TMEM221: variants seen among roughly 807,000 people sequenced by gnomAD.
TMEM221 encodes the protein Putative transmembrane protein ENSP00000342162.
Under a neutral mutation model 10.2 loss-of-function variants are expected in TMEM221, and 11 were observed. That is an observed-to-expected ratio of 1.08 (90% CI 0.68 to 1.79). The LOEUF (loss-of-function observed/expected upper bound fraction) is 1.79. Ranked by LOEUF, TMEM221 falls within the 40% of genes most tolerant of loss-of-function variation. The pLI, the probability that TMEM221 is intolerant of heterozygous loss-of-function variation, is 0.00. For missense variants in TMEM221, 382 were observed against 417.7 expected (o/e 0.91, Z 0.75); for synonymous variants, 172 against 199.8 (o/e 0.86, Z 1.18).
Position 17,436,228 on chromosome 19 carries a change from A to C in TMEM221, c.*230T>G. The C allele has an allele frequency of 2.0e-6, 1 of 499,942 alleles. No individual in the cohort carries two copies. Among genetic ancestry groups the C allele is most frequent in the Non-Finnish European group, 3.5e-6 (1 of 285,190 alleles). The allele number at this position is 499,942 out of a possible 1,614,324, so 31.0% of individuals were successfully genotyped here. A position where few individuals can be genotyped will look rare whatever the true frequency, so the allele number is the denominator to read the frequency against. On this transcript the variant is annotated 3_prime_UTR_variant, in exon 3 of 3. Transcript: ENST00000341130. The stretch of plus-strand genomic sequence containing the variant: ...AAGGGTTTCGAGGCTTCCTGGGAAG[A>C]CTTCCAGGAGACACCTAGCCAGCGC...
chr19:17,437,883 CCTT>C (rs759923674), intron 2 of TMEM221, among the ~76,000 whole-genome samples: 27 of 150,082 alleles, frequency 1.8e-4, no homozygotes, highest in East Asian at 7.8e-4. Context: ...TCCTTCTTCT[CCTT>C]CTTCTTCTTT....
intron 1 of TMEM221, among the ~76,000 whole-genome samples, chr19:17,446,485 T>A (rs1330777562): frequency 1.3e-5 from 2 of 151,998 alleles, no homozygotes; most frequent in Admixed American, 1.3e-4. Context: ...TATAAGAGCT[T>A]CCATCCTCAC....
Position 17,448,154 on chromosome 19 carries a change from A to G in TMEM221, c.309T>C (p.Pro103=). ...GCCAGTCCTCCTACCTCCTGGGGCC[A>G]GGCCCCCGCGCCAGCTCGGCGCCCA... is the stretch of plus-strand genomic sequence containing the variant. ...GHLGAELARG[P]GPRRSDWFLY... is the part of the protein sequence containing the mutation. Residue 103 remains proline, a synonymous_variant, in exon 1 of 3, where the codon CCT becomes CCC. Transcript: ENST00000341130. This position sits in a 1 kb window ranked among gnomAD's most constrained non-coding sequence, Gnocchi z 4.7. The G allele has an allele frequency of 7.1e-7, 1 of 1,418,206 alleles. No individual in the cohort carries two copies. Among genetic ancestry groups the G allele is most frequent in the South Asian group, 1.4e-5 (1 of 70,138 alleles). The allele number at this position is 1,418,206 out of a possible 1,614,324, so 87.9% of individuals were successfully genotyped here. A position where few individuals can be genotyped will look rare whatever the true frequency, so the allele number is the denominator to read the frequency against.
chr19:17,444,377 C>T (rs1297769950), intron 2 of TMEM221, among the ~76,000 whole-genome samples: 1 of 151,836 alleles, frequency 6.6e-6, no homozygotes, highest in African/African-American at 2.4e-5. Context: ...GCCACTGCGC[C>T]TGGCCAAAAT....
intron 1 of TMEM221, among the ~76,000 whole-genome samples, 186 bp from the exon 2 acceptor site, chr19:17,445,470 T>C (rs1849612370): frequency 6.6e-6 from 1 of 152,108 alleles, no homozygotes; most frequent in African/African-American, 2.4e-5. Flanking sequence ...CATTTACTTA[T>C]CCACTCTCCA....
chr19:17,445,351 G>C, intron 1 of TMEM221, 67 bp from the exon 2 acceptor site: 1 of 1,337,830 alleles, frequency 7.5e-7, no homozygotes, highest in Non-Finnish European at 1.0e-6. Flanking sequence ...AGGTCAGTGA[G>C]GACAGGGAGG....
At chr19:17,438,079 C>T (rs2074916927) in intron 2 of TMEM221, among the ~76,000 whole-genome samples, 1 of 136,066 alleles carries the variant, frequency 7.3e-6, no homozygotes, top group Non-Finnish European at 1.6e-5. Flanking sequence ...GCCACCATGC[C>T]TGGCTAATTT....
At position 17,448,170 on chromosome 19, in the gene TMEM221, T is replaced by G; in HGVS notation, c.293A>C (p.Glu98Ala). The G allele has an allele frequency of 7.0e-7, 1 of 1,429,026 alleles. No individual in the cohort carries two copies. Among genetic ancestry groups the G allele is most frequent in the Admixed American group, 2.8e-5 (1 of 35,166 alleles). 88.5% of individuals were successfully genotyped at this position (1,429,026 alleles called of 1,614,324 possible). A position where few individuals can be genotyped will look rare whatever the true frequency, so the allele number is the denominator to read the frequency against. Residue 98 changes from glutamate to alanine, a missense_variant, in exon 1 of 3, where the codon GAG becomes GCG. Physicochemically the swap from Glu to Ala is moderately radical, Grantham distance 107 (BLOSUM62 -1). Coordinates refer to ENST00000341130, the MANE Select transcript of TMEM221 (RefSeq NM_001190844.2). The surrounding 1 kb of genome is among the most constrained non-coding windows in gnomAD (Gnocchi z 4.7). ...LAALCGHLGAELARGPGPRRS... is the reference protein window; with the variant it reads ...LAALCGHLGAALARGPGPRRS... ...CCTGGGGCCAGGCCCCCGCGCCAGC[T>G]CGGCGCCCAGGTGGCCACAGAGCGC...
At chr19:17,445,174 C>A (rs1243622592) in intron 2 of TMEM221, 25 bp downstream of exon 2, 2 of 1,529,012 alleles carry the variant, frequency 1.3e-6, no homozygotes, top group Non-Finnish European at 1.8e-6. Context: ...GGGTCCCATG[C>A]CCCACGTTCT....
Position 17,437,499 on chromosome 19 carries a change from A to G in TMEM221, c.407-572T>C, listed in dbSNP as rs139373387. Among the ~76,000 whole-genome samples, 812 of 152,330 alleles carry G rather than the reference A, an allele frequency of 5.3e-3. 6 individuals carry two copies. The highest frequency in any genetic ancestry group is 0.019 in the African/African-American group (773 of 41,580). Reference sequence around the variant, plus strand: ...TCCTAACACTTTGGGAGGCTGAGGCAGGTGGATCACTTGAGGTCAGGAGTT... The same window carrying G: ...TCCTAACACTTTGGGAGGCTGAGGCGGGTGGATCACTTGAGGTCAGGAGTT... On this transcript the variant is annotated intron_variant, in intron 2 of 2. Transcript: ENST00000341130.
intron 2 of TMEM221, among the ~76,000 whole-genome samples, chr19:17,440,520 C>T (rs1048485515): frequency 1.5e-4 from 23 of 152,202 alleles, no homozygotes; most frequent in African/African-American, 4.3e-4. Flanking sequence ...CCACCGCGTC[C>T]GGCCTAAAAT....
chr19:17,440,352 G>A (rs889630129), intron 2 of TMEM221, among the ~76,000 whole-genome samples: 4 of 149,428 alleles, frequency 2.7e-5, no homozygotes, highest in South Asian at 2.1e-4. Context: ...TCAGCCTCCC[G>A]AGTAGCTGGG....
intron 2 of TMEM221, 103 bp downstream of exon 2, chr19:17,445,096 G>A (rs2074947641): frequency 1.9e-6 from 2 of 1,044,094 alleles, no homozygotes; most frequent in Non-Finnish European, 2.8e-6. Context: ...GCCTGGAGTT[G>A]AACTCAAGGA....
rs1416969764 is a variant in TMEM221, at chr19:17,435,590, A to G, written c.*868T>C. ...CCTCTGTTATTTCCTTGAGCCCCAGAAACTACCCATGCCTACACCCCAAAA... is the reference window on the plus strand; with the variant it reads ...CCTCTGTTATTTCCTTGAGCCCCAGGAACTACCCATGCCTACACCCCAAAA... On this transcript the variant is annotated 3_prime_UTR_variant, in exon 3 of 3. Coordinates refer to ENST00000341130, the MANE Select transcript of TMEM221 (RefSeq NM_001190844.2). 6.6e-6 allele frequency: 1 copy of G among 152,354 alleles called. No homozygotes were observed. The highest frequency in any genetic ancestry group is 1.5e-5 in the Non-Finnish European group (1 of 68,152). 9.4% of individuals were successfully genotyped at this position (152,354 alleles called of 1,614,324 possible). A position where few individuals can be genotyped will look rare whatever the true frequency, so the allele number is the denominator to read the frequency against.
chr19:17,440,503 G>A (rs2074927891), intron 2 of TMEM221, among the ~76,000 whole-genome samples: 1 of 152,126 alleles, frequency 6.6e-6, no homozygotes, highest in African/African-American at 2.4e-5. Flanking sequence ...GGGATTACAG[G>A]CGTGAGCCAC....
At chr19:17,437,925 T>G (rs1235152307) in intron 2 of TMEM221, among the ~76,000 whole-genome samples, 20 of 43,384 alleles carry the variant, frequency 4.6e-4, no homozygotes, top group African/African-American at 7.6e-4. Context: ...TTGTTCTTCT[T>G]TTTTTTTTTT....
Position 17,436,727 on chromosome 19 carries a change from T to C in TMEM221, c.607A>G (p.Lys203Glu). ...DDLARPAEVS[K>E]ASPRAQPQQG... is the part of the protein sequence containing the mutation. Reference sequence around the variant, plus strand: ...TGAGGCTGAGCTCTGGGGCTGGCCTTGGAGACTTCGGCAGGGCGGGCGAGG... The same window carrying C: ...TGAGGCTGAGCTCTGGGGCTGGCCTCGGAGACTTCGGCAGGGCGGGCGAGG... Residue 203 changes from lysine to glutamate, a missense_variant, in exon 3 of 3, where the codon AAG becomes GAG. Coordinates refer to ENST00000341130, the MANE Select transcript of TMEM221 (RefSeq NM_001190844.2). The C allele has an allele frequency of 6.5e-7, 1 of 1,529,410 alleles. No homozygotes were observed. The highest frequency in any genetic ancestry group is 1.2e-5 in the South Asian group (1 of 83,244). 94.7% of individuals were successfully genotyped at this position (1,529,410 alleles called of 1,614,324 possible).
intron 1 of TMEM221, 119 bp from the exon 2 acceptor site, chr19:17,445,403 C>A: frequency 1.4e-6 from 1 of 733,078 alleles, no homozygotes. Flanking sequence ...TTTCAGGGAC[C>A]CAAAATCTAT....
At position 17,436,715 on chromosome 19, in the gene TMEM221, T is replaced by G. The variant is rs934397555; in HGVS notation, c.619A>C (p.Arg207=). 7.8e-6 allele frequency: 12 copies of G among 1,532,074 alleles called. No individual in the cohort carries two copies. The African/African-American group carries it at 1.6e-4, about 21-fold the overall frequency. The allele number at this position is 1,532,074 out of a possible 1,614,324, so 94.9% of individuals were successfully genotyped here. A position where few individuals can be genotyped will look rare whatever the true frequency, so the allele number is the denominator to read the frequency against. Residue 207 remains arginine (R), a synonymous_variant, in exon 3 of 3, where the codon AGA becomes CGA. Coordinates refer to ENST00000341130, the MANE Select transcript of TMEM221 (RefSeq NM_001190844.2). ...TGGATACCCTGCTGAGGCTGAGCTC[T>G]GGGGCTGGCCTTGGAGACTTCGGCA... ...RPAEVSKASP[R]AQPQQGIHRR...
Sources: allele counts gnomAD v4.1 joint callset (sites outside exome capture counted in the v4.1 genomes callset), GRCh38; gene constraint gnomAD v4.1.1; non-coding constraint Gnocchi (gnomAD v3.1); transcripts MANE v1.5; gene names NCBI Gene and HGNC (gene_info 2026-07-23, HGNC 2026-07-21).